Variants in QKI observed in about 807,000 individuals in gnomAD.
The protein encoded by QKI is KH domain-containing RNA-binding protein QKI.
In QKI, 10 loss-of-function variants were observed where a neutral mutation model predicts 39.0. The observed-to-expected ratio is 0.26, with a 90% CI of 0.16 to 0.43. The LOEUF (loss-of-function observed/expected upper bound fraction) is 0.43. Among genes scored for constraint, QKI ranks in the 20% least tolerant of loss-of-function variants. QKI has a pLI of 1.00. For missense variants in QKI, 218 were observed against 428.0 expected (o/e 0.51, Z 4.33); for synonymous variants, 204 against 155.4 (o/e 1.31, Z -2.33).
intron 2 of QKI, among the ~76,000 whole-genome samples, chr6:163,464,530 A>G (rs534741824): frequency 1.3e-5 from 2 of 152,298 alleles, no homozygotes; most frequent in South Asian, 2.1e-4. Context: ...CCATAGAAAT[A>G]ATAAGATCAT....
At chr6:163,451,286 G>C (rs1790541936) in intron 1 of QKI, among the ~76,000 whole-genome samples, 2 of 152,190 alleles carry the variant, frequency 1.3e-5, no homozygotes, top group South Asian at 4.1e-4. Context: ...GGATGGGGCA[G>C]AGTTTGGGAC....
intron 2 of QKI, among the ~76,000 whole-genome samples, chr6:163,473,485 C>T (rs148978889): frequency 1.7e-3 from 261 of 152,142 alleles, no homozygotes; most frequent in African/African-American, 6.1e-3. Context: ...AAAGCAGGTT[C>T]TTTTAAAACA....
chr6:163,575,092 T>G lies in QKI; in HGVS notation c.*4382T>G, dbSNP rs367855626. ...ATGGGAGCGGTGGGTAGTGTACTGTTAGGTGGACAGGTCTTTTAACATGCT... is the reference window on the plus strand; with the variant it reads ...ATGGGAGCGGTGGGTAGTGTACTGTGAGGTGGACAGGTCTTTTAACATGCT... On this transcript the variant is annotated 3_prime_UTR_variant, in exon 8 of 8. Transcript: ENST00000361752. 2.1e-4 allele frequency: 32 copies of G among 152,294 alleles called. No homozygotes were observed. The highest frequency in any genetic ancestry group is 7.5e-4 in the African/African-American group (31 of 41,566). The allele number at this position is 152,294 out of a possible 1,614,324, so 9.4% of individuals were successfully genotyped here. A position where few individuals can be genotyped will look rare whatever the true frequency, so the allele number is the denominator to read the frequency against.
intron 3 of QKI, among the ~76,000 whole-genome samples, chr6:163,498,984 C>G (rs1385625257): frequency 6.6e-6 from 1 of 152,066 alleles, no homozygotes; most frequent in African/African-American, 2.4e-5. Context: ...TGCACATAGC[C>G]TGAAGGTAGT....
At chr6:163,464,005 C>CTG (rs1288928976) in intron 2 of QKI, among the ~76,000 whole-genome samples, 1 of 152,134 alleles carries the variant, frequency 6.6e-6, no homozygotes, top group Non-Finnish European at 1.5e-5. Context: ...CAATATTGAG[C>CTG]TGTAGTGCTC....
chr6:163,566,076 C>T, intron 6 of QKI: 1 of 1,542,332 alleles, frequency 6.5e-7, no homozygotes, highest in South Asian at 1.2e-5. Flanking sequence ...CAGTCAGTGA[C>T]TTACTTGCAC....
At chr6:163,428,376 T>C (rs541256061) in intron 1 of QKI, among the ~76,000 whole-genome samples, 7 of 152,352 alleles carry the variant, frequency 4.6e-5, no homozygotes, top group Non-Finnish European at 1.0e-4. Context: ...AGAGGTATCC[T>C]GTTTGTACGT....
rs1784001148 is a variant in QKI, at chr6:163,576,849, A to G, written c.*6139A>G. ...AATTTGACATTCTGGAGTTATTATA[A>G]CATTAGAAAATGAGCATAACATTCA... On this transcript the variant is annotated 3_prime_UTR_variant, in exon 8 of 8. Coordinates refer to ENST00000361752, the MANE Select transcript of QKI (RefSeq NM_006775.3). 1 of 152,220 alleles carries G rather than the reference A, an allele frequency of 6.6e-6. No homozygotes were observed. Among genetic ancestry groups the G allele is most frequent in the Non-Finnish European group, 1.5e-5 (1 of 68,042 alleles). The allele number at this position is 152,220 out of a possible 1,614,324, so 9.4% of individuals were successfully genotyped here.
At chr6:163,526,365 T>C (rs1780518006) in intron 3 of QKI, among the ~76,000 whole-genome samples, 1 of 152,252 alleles carries the variant, frequency 6.6e-6, no homozygotes. Context: ...CATTTTTCTG[T>C]GCCTTGAATT....
intron 4 of QKI, among the ~76,000 whole-genome samples, chr6:163,554,424 A>G (rs1782456664): frequency 6.6e-6 from 1 of 152,236 alleles, no homozygotes; most frequent in Non-Finnish European, 1.5e-5. Flanking sequence ...AGCATATGGC[A>G]GTTCAGTTTG....
At chr6:163,564,037 C>T (rs1301671520) in intron 6 of QKI, 28 of 1,143,688 alleles carry the variant, frequency 2.4e-5, no homozygotes, top group Non-Finnish European at 3.0e-5. Context: ...CCCATTGGCC[C>T]GTCACCTCCA....
intron 4 of QKI, among the ~76,000 whole-genome samples, chr6:163,553,802 A>T (rs1241138396): frequency 1.3e-5 from 2 of 152,186 alleles, no homozygotes; most frequent in African/African-American, 4.8e-5. Context: ...GTCCTAAGGT[A>T]CAAATCTTTG....
intron 1 of QKI, among the ~76,000 whole-genome samples, chr6:163,433,367 T>C (rs145117452): frequency 2.6e-5 from 4 of 152,286 alleles, no homozygotes; most frequent in African/African-American, 9.6e-5. Flanking sequence ...CAAGTAGAAG[T>C]CTGATTTTGT....
chr6:163,481,630 C>T (rs183599260), intron 3 of QKI, among the ~76,000 whole-genome samples: 1 of 152,294 alleles, frequency 6.6e-6, no homozygotes, highest in East Asian at 1.9e-4. Flanking sequence ...TTCTAAGCTG[C>T]TGGTTTTTAG....
intron 1 of QKI, chr6:163,423,189 G>GA (rs1200367263): frequency 2.6e-5 from 4 of 152,324 alleles, no homozygotes; most frequent in Admixed American, 6.5e-5. Context: ...TTGGGAGGCT[G>GA]AAGCAGAAGA....
chr6:163,429,642 T>C (rs1410813007), intron 1 of QKI, among the ~76,000 whole-genome samples: 2 of 152,294 alleles, frequency 1.3e-5, no homozygotes, highest in Non-Finnish European at 2.9e-5. Context: ...CAAACTCTTA[T>C]TTTTGCAATG....
At chr6:163,454,098 C>T (rs912654614) in intron 1 of QKI, among the ~76,000 whole-genome samples, 7 of 152,130 alleles carry the variant, frequency 4.6e-5, no homozygotes, top group Non-Finnish European at 1.0e-4. Flanking sequence ...CTAATGGATG[C>T]AAGCCTTTCT....
intron 3 of QKI, among the ~76,000 whole-genome samples, chr6:163,528,813 C>A (rs554901634): frequency 6.6e-6 from 1 of 152,180 alleles, no homozygotes; most frequent in South Asian, 2.1e-4. Flanking sequence ...AGCTATTTTC[C>A]ATTTCCATGG....
At chr6:163,511,849 A>G (rs1041392071) in intron 3 of QKI, among the ~76,000 whole-genome samples, 1 of 152,022 alleles carries the variant, frequency 6.6e-6, no homozygotes, top group African/African-American at 2.4e-5. Context: ...TATTATAACA[A>G]ATTGGTAACT....
Sources: allele counts gnomAD v4.1 joint callset (sites outside exome capture counted in the v4.1 genomes callset), GRCh38; gene constraint gnomAD v4.1.1; transcripts MANE v1.5; gene names NCBI Gene and HGNC (gene_info 2026-07-23, HGNC 2026-07-21).